Variants in PPP6R3 observed in about 807,000 individuals in gnomAD.
PPP6R3 encodes the protein serine/threonine-protein phosphatase 6 regulatory subunit 3.
Under a neutral mutation model 110.7 loss-of-function variants are expected in PPP6R3, and 38 were observed. That is an observed-to-expected ratio of 0.34 (90% CI 0.26 to 0.45). PPP6R3 has a LOEUF of 0.45. Ranked by LOEUF, PPP6R3 falls within the 20% of genes least tolerant of loss-of-function variation. PPP6R3 has a pLI of 1.00. For synonymous variants in PPP6R3, 369 were observed against 373.5 expected (o/e 0.99, Z 0.14); for missense variants, 870 against 1,062.4 (o/e 0.82, Z 2.52).
In PPP6R3 at chr11:68,538,770, A is replaced by T. The variant is rs114424739; in HGVS notation, c.227+879A>T. Reference sequence around the variant, plus strand: ...ATGTCATGTTCTCTGCCAACCATTAACATTGACACTTTGCATTTAGTGAAA... The same window carrying T: ...ATGTCATGTTCTCTGCCAACCATTATCATTGACACTTTGCATTTAGTGAAA... On this transcript the variant is annotated intron_variant, in intron 3 of 23. Coordinates refer to ENST00000393800, the MANE Select transcript of PPP6R3 (RefSeq NM_001164161.2). 3.4e-3 allele frequency among the ~76,000 whole-genome samples: 520 copies of T among 152,302 alleles called. 6 individuals are homozygous for T. The highest frequency in any genetic ancestry group is 0.012 in the African/African-American group (497 of 41,572).
At chr11:68,606,584 G>A (rs994195703) in intron 22 of PPP6R3, among the ~76,000 whole-genome samples, 4 of 151,362 alleles carry the variant, frequency 2.6e-5, no homozygotes, top group Admixed American at 6.6e-5. Flanking sequence ...CCAAAGTGCT[G>A]GGATTACAGA....
intron 4 of PPP6R3, among the ~76,000 whole-genome samples, chr11:68,547,159 A>G (rs570308814): frequency 6.6e-6 from 1 of 152,280 alleles, no homozygotes; most frequent in East Asian, 1.9e-4. Context: ...TTTAAATCCC[A>G]GGCAGCCACC....
intron 19 of PPP6R3, among the ~76,000 whole-genome samples, chr11:68,597,158 C>G (rs556969027): frequency 6.6e-6 from 1 of 152,320 alleles, no homozygotes; most frequent in East Asian, 1.9e-4. Flanking sequence ...CAGACTCTGC[C>G]TCCAGGGGCT....
chr11:68,478,712 C>T (rs1042109040), intron 1 of PPP6R3, among the ~76,000 whole-genome samples: 15 of 122,160 alleles, frequency 1.2e-4, no homozygotes, highest in African/African-American at 4.8e-4. Context: ...GGCTGTAGTG[C>T]AGTGGTGTCA....
chr11:68,526,018 G>A (rs536248334), intron 2 of PPP6R3, among the ~76,000 whole-genome samples: 7 of 152,234 alleles, frequency 4.6e-5, no homozygotes, highest in African/African-American at 1.4e-4. Context: ...GGACCACCTC[G>A]TATCTCTTCA....
At chr11:68,612,064 G>T (rs1387621073) in intron 23 of PPP6R3, among the ~76,000 whole-genome samples, 1 of 152,218 alleles carries the variant, frequency 6.6e-6, no homozygotes, top group Non-Finnish European at 1.5e-5. Context: ...GGGGCGTGGG[G>T]AGGGTTCTTT....
At chr11:68,557,325 T>G (rs1456738728) in intron 7 of PPP6R3, among the ~76,000 whole-genome samples, 1 of 152,074 alleles carries the variant, frequency 6.6e-6, no homozygotes, top group African/African-American at 2.4e-5. Flanking sequence ...ACTAGTTTTG[T>G]TTCCCCAAAA....
At chr11:68,483,916 A>G (rs2153397023) in intron 1 of PPP6R3, among the ~76,000 whole-genome samples, 1 of 152,334 alleles carries the variant, frequency 6.6e-6, no homozygotes. Flanking sequence ...TCTGGCGACC[A>G]CTAATCCTTT....
At chr11:68,464,296 T>C (rs1461777704) in intron 1 of PPP6R3, among the ~76,000 whole-genome samples, 1 of 151,944 alleles carries the variant, frequency 6.6e-6, no homozygotes, top group Non-Finnish European at 1.5e-5. Context: ...CATGCCCGGC[T>C]GTTTTTTGTA....
intron 3 of PPP6R3, among the ~76,000 whole-genome samples, chr11:68,540,056 G>A (rs542050627): frequency 3.3e-4 from 50 of 152,214 alleles, no homozygotes; most frequent in African/African-American, 1.0e-3. Flanking sequence ...AAAATGGAAG[G>A]AGGGAGGGTT....
chr11:68,509,744 ATT>A (rs59022544), intron 1 of PPP6R3, among the ~76,000 whole-genome samples: 4 of 102,152 alleles, frequency 3.9e-5, no homozygotes, highest in Admixed American at 1.2e-4. Flanking sequence ...CATGTGGCTA[ATT>A]TTTTTTTTTT....
rs577742225 is a variant in PPP6R3, at chr11:68,583,401, A to G, written c.1632+272A>G. On this transcript the variant is annotated intron_variant, in intron 15 of 23. Coordinates refer to ENST00000393800, the MANE Select transcript of PPP6R3 (RefSeq NM_001164161.2). ...GAATGAACTGAATAGTTAAGAAGGC[A>G]TCTCACACATGCTTGTTACACAGAC... Among the ~76,000 whole-genome samples the G allele has an allele frequency of 2.6e-5, 4 of 152,364 alleles. No individual in the cohort carries two copies. In the East Asian group the frequency reaches 7.7e-4, roughly 29 times the overall value.
intron 16 of PPP6R3, 47 bp from the exon 17 acceptor site, chr11:68,590,613 C>A: frequency 6.7e-7 from 1 of 1,502,166 alleles, no homozygotes; most frequent in Non-Finnish European, 9.0e-7. Context: ...TTTCTGTGAG[C>A]TGATAGTAAT....
intron 22 of PPP6R3, among the ~76,000 whole-genome samples, chr11:68,607,475 G>A (rs1489308421): frequency 6.6e-6 from 1 of 152,170 alleles, no homozygotes; most frequent in Non-Finnish European, 1.5e-5. Context: ...TGCTTTCTGT[G>A]GACCAGGCCC....
rs113148261 is a variant in PPP6R3, at chr11:68,564,242, G to A, written c.846-61G>A. 69 of 1,487,332 alleles carry A rather than the reference G, an allele frequency of 4.6e-5. 1 individual carries two copies. In the South Asian group the frequency reaches 4.7e-4, roughly 10 times the overall value. The allele number at this position is 1,487,332 out of a possible 1,614,324, so 92.1% of individuals were successfully genotyped here. On this transcript the variant is annotated intron_variant, in intron 8 of 23. Transcript: ENST00000393800. ...TCATTAAGTAAAGACATACATGGTC[G>A]ATAACCTTGAATGATTTGTTCTGAA...
intron 1 of PPP6R3, among the ~76,000 whole-genome samples, chr11:68,484,262 A>G (rs928988966): frequency 4.6e-5 from 7 of 152,208 alleles, no homozygotes; most frequent in Admixed American, 4.6e-4. Context: ...TATTGTACAG[A>G]AAGAGTATGT....
intron 10 of PPP6R3, among the ~76,000 whole-genome samples, chr11:68,567,974 A>G (rs1328788148): frequency 6.6e-6 from 1 of 152,182 alleles, no homozygotes; most frequent in African/African-American, 2.4e-5. Flanking sequence ...TTTTCAGATC[A>G]TGCCCAGAGA....
At chr11:68,501,293 A>G (rs1300591471) in intron 1 of PPP6R3, among the ~76,000 whole-genome samples, 1 of 152,212 alleles carries the variant, frequency 6.6e-6, no homozygotes, top group African/African-American at 2.4e-5. Flanking sequence ...AATAAATTAC[A>G]ATGTGATTAA....
intron 1 of PPP6R3, among the ~76,000 whole-genome samples, chr11:68,512,510 G>A (rs2099115818): frequency 6.6e-6 from 1 of 152,204 alleles, no homozygotes; most frequent in African/African-American, 2.4e-5. Flanking sequence ...CCAATTACCG[G>A]GGAAGGGACA....
Sources: allele counts gnomAD v4.1 joint callset (sites outside exome capture counted in the v4.1 genomes callset), GRCh38; gene constraint gnomAD v4.1.1; transcripts MANE v1.5; gene names NCBI Gene and HGNC (gene_info 2026-07-23, HGNC 2026-07-21).